GNAQ: variants seen among roughly 807,000 people sequenced by gnomAD.
The protein encoded by GNAQ is guanine nucleotide-binding protein G(q) subunit alpha.
Under a neutral mutation model 43.9 loss-of-function variants are expected in GNAQ, and 8 were observed. That is an observed-to-expected ratio of 0.18 (90% confidence interval 0.11 to 0.33). The LOEUF is 0.33. Ranked by LOEUF, GNAQ falls within the 10% of genes least tolerant of loss-of-function variation. The pLI, the probability that GNAQ is intolerant of heterozygous loss-of-function variation, is 1.00. For synonymous variants in GNAQ, 155 were observed against 170.7 expected (o/e 0.91, Z 0.71); for missense variants, 158 against 450.8 (o/e 0.35, Z 5.88).
At chr9:77,971,124 A>C (rs1823232062) in intron 1 of GNAQ, among the ~76,000 whole-genome samples, 1 of 152,196 alleles carries the variant, frequency 6.6e-6, no homozygotes, top group Non-Finnish European at 1.5e-5. Context: ...TCTGAAATTG[A>C]GGCAATAATT....
rs553437134 is a variant in GNAQ, at chr9:77,760,536, T to C, written c.736-31869A>G. Among the ~76,000 whole-genome samples the C allele has an allele frequency of 2.6e-5, 4 of 152,282 alleles. No homozygotes were observed. The South Asian group carries it at 8.3e-4, about 32-fold the overall frequency. Reference sequence around the variant, plus strand: ...CAATGGTGCCCAAGATGGAGTGCAGTGGCGTGATCTCGGCTCGCTACAACT... The same window carrying C: ...CAATGGTGCCCAAGATGGAGTGCAGCGGCGTGATCTCGGCTCGCTACAACT... On this transcript the variant is annotated intron_variant, in intron 5 of 6. Coordinates refer to ENST00000286548, the MANE Select transcript of GNAQ (RefSeq NM_002072.5).
intron 2 of GNAQ, among the ~76,000 whole-genome samples, chr9:77,917,882 ACT>A (rs1428021837): frequency 1.3e-5 from 2 of 152,224 alleles, no homozygotes; most frequent in East Asian, 3.9e-4. Flanking sequence ...ACAGATACAC[ACT>A]CGGGGAAGAA....
At chr9:77,896,230 T>TGTGA (rs1828500881) in intron 2 of GNAQ, among the ~76,000 whole-genome samples, 1 of 152,164 alleles carries the variant, frequency 6.6e-6, no homozygotes, top group African/African-American at 2.4e-5. Flanking sequence ...TTGGAACACT[T>TGTGA]GTGAATTACT....
chr9:77,917,152 C>G (rs1828921264), intron 2 of GNAQ, among the ~76,000 whole-genome samples: 1 of 152,080 alleles, frequency 6.6e-6, no homozygotes, highest in Admixed American at 6.6e-5. Context: ...TAACTAGTAA[C>G]AGGCAACGCA....
intron 1 of GNAQ, among the ~76,000 whole-genome samples, chr9:77,954,661 G>A (rs1823020916): frequency 6.6e-6 from 1 of 152,124 alleles, no homozygotes; most frequent in Non-Finnish European, 1.5e-5. Context: ...AGATTCCAGA[G>A]CTGCAAAAGG....
At chr9:77,767,622 T>G (rs894467078) in intron 5 of GNAQ, among the ~76,000 whole-genome samples, 11 of 152,226 alleles carry the variant, frequency 7.2e-5, no homozygotes, top group African/African-American at 2.7e-4. Flanking sequence ...AAGCTCCTAG[T>G]GCAATTCGAT....
chr9:77,814,265 C>T (rs956648398), intron 3 of GNAQ, among the ~76,000 whole-genome samples: 1 of 151,278 alleles, frequency 6.6e-6, no homozygotes, highest in Non-Finnish European at 1.5e-5. Flanking sequence ...AACAAAGGGA[C>T]GAAGGACAGA....
intron 2 of GNAQ, among the ~76,000 whole-genome samples, chr9:77,866,920 C>T (rs1468047844): frequency 6.6e-6 from 1 of 152,104 alleles, no homozygotes; most frequent in East Asian, 1.9e-4. Context: ...TATATTTATG[C>T]TTTGCATCTT....
chr9:77,786,103 C>T (rs990419272), intron 5 of GNAQ, among the ~76,000 whole-genome samples: 8 of 152,014 alleles, frequency 5.3e-5, no homozygotes, highest in South Asian at 2.1e-4. Context: ...ACAAGCCAGG[C>T]GCGGTGGCTC....
chr9:77,833,432 T>C (rs1827333462), intron 2 of GNAQ, among the ~76,000 whole-genome samples: 1 of 152,182 alleles, frequency 6.6e-6, no homozygotes, highest in Non-Finnish European at 1.5e-5. Context: ...AGTAAGCAAC[T>C]GGTAAGTTGG....
intron 1 of GNAQ, among the ~76,000 whole-genome samples, chr9:78,001,178 A>G (rs960041371): frequency 1.3e-5 from 2 of 152,120 alleles, no homozygotes; most frequent in Non-Finnish European, 2.9e-5. Context: ...CAGGCAGATC[A>G]CTTGAGGTCA....
intron 5 of GNAQ, among the ~76,000 whole-genome samples, chr9:77,787,975 G>T (rs1826509268): frequency 6.6e-6 from 1 of 152,186 alleles, no homozygotes; most frequent in South Asian, 2.1e-4. Context: ...GGCTGCAAGT[G>T]AGACAAGATC....
chr9:77,896,143 G>T (rs978129896), intron 2 of GNAQ, among the ~76,000 whole-genome samples: 1 of 152,130 alleles, frequency 6.6e-6, no homozygotes, highest in Non-Finnish European at 1.5e-5. Flanking sequence ...GGGGCAGGGG[G>T]CAGTTTATTA....
intron 5 of GNAQ, among the ~76,000 whole-genome samples, chr9:77,775,331 T>C (rs1229957343): frequency 6.6e-6 from 1 of 152,262 alleles, no homozygotes; most frequent in Non-Finnish European, 1.5e-5. Context: ...ATTTTATATA[T>C]TGTCATACTA....
chr9:77,790,480 G>A (rs1354375154), intron 5 of GNAQ, among the ~76,000 whole-genome samples: 1 of 152,196 alleles, frequency 6.6e-6, no homozygotes, highest in Admixed American at 6.5e-5. Context: ...CAAAGGAAAT[G>A]CATATTTTAG....
intron 1 of GNAQ, among the ~76,000 whole-genome samples, chr9:78,028,138 G>GTA (rs1429278668): frequency 6.6e-6 from 1 of 152,148 alleles, no homozygotes; most frequent in Non-Finnish European, 1.5e-5. Flanking sequence ...TTAAAATGAA[G>GTA]TATGCTCTTG....
intron 1 of GNAQ, among the ~76,000 whole-genome samples, chr9:77,926,548 C>T (rs1484103332): frequency 6.6e-6 from 1 of 152,150 alleles, no homozygotes; most frequent in Non-Finnish European, 1.5e-5. Flanking sequence ...TCCAAGACCA[C>T]TGGTACTATA....
intron 2 of GNAQ, among the ~76,000 whole-genome samples, chr9:77,866,634 C>G (rs1020892372): frequency 6.6e-6 from 1 of 152,034 alleles, no homozygotes; most frequent in Non-Finnish European, 1.5e-5. Flanking sequence ...AAATTTCACA[C>G]AGTAACTTTA....
intron 2 of GNAQ, among the ~76,000 whole-genome samples, chr9:77,841,209 A>G (rs1386648026): frequency 2.6e-5 from 4 of 152,220 alleles, no homozygotes. Context: ...ATAAAAGAAA[A>G]AAAGAAAACT....
Sources: allele counts gnomAD v4.1 joint callset (sites outside exome capture counted in the v4.1 genomes callset), GRCh38; gene constraint gnomAD v4.1.1; transcripts MANE v1.5; gene names NCBI Gene and HGNC (gene_info 2026-07-23, HGNC 2026-07-21).